JAKMIP2: variants seen among roughly 807,000 people sequenced by gnomAD.
JAKMIP2 encodes janus kinase and microtubule-interacting protein 2.
JAKMIP2 carries 25 observed loss-of-function variants against 115.0 expected under a neutral mutation model. The ratio of observed to expected loss-of-function variants is 0.22; its 90% confidence interval spans 0.16 to 0.30. The LOEUF is 0.30. Ranked by LOEUF, JAKMIP2 falls within the 10% of genes least tolerant of loss-of-function variation. JAKMIP2 has a pLI of 1.00. For synonymous variants in JAKMIP2, 334 were observed against 343.6 expected, an observed-to-expected ratio of 0.97 and a Z score of 0.31; for missense variants, 642 against 957.6, an observed-to-expected ratio of 0.67 and a Z score of 4.35.
rs557194761 is a variant in JAKMIP2 at position 147,729,323 on chromosome 5, C to A, written c.-149+53133G>T. Among the ~76,000 whole-genome samples the A allele has an allele frequency of 8.5e-5, 13 of 152,294 alleles. No individual in the cohort carries two copies. The East Asian group carries it at 2.5e-3, about 29-fold the overall frequency. The stretch of plus-strand genomic sequence containing the variant: ...TTCTTGAGAATAAAATCAGAGGATG[C>A]TCGAGACAGCCCTTTGAAAACTAAA... On this transcript the variant is annotated intron_variant, in intron 1 of 21. Transcript: ENST00000616793.
chr5:147,595,541 G>A (rs1045806969), intron 21 of JAKMIP2: 4 of 454,792 alleles, frequency 8.8e-6, no homozygotes, highest in African/African-American at 4.0e-5. Flanking sequence ...CTCCAGAGTG[G>A]TGAGCAATAC....
chr5:147,618,092 G>A lies in JAKMIP2; in HGVS notation c.2165C>T (p.Thr722Ile). Residue 722 changes from threonine (T) to isoleucine (I), a missense_variant, in exon 19 of 22, where the codon ACT (threonine) becomes ATT (isoleucine). Around this residue, in one of 6 missense-constraint regions of JAKMIP2, gnomAD observed 68 missense variants for 104.6 expected, o/e 0.65. Coordinates refer to ENST00000616793, the MANE Select transcript of JAKMIP2 (RefSeq NM_001270941.2). Reference protein sequence around the residue: ...AYMRIQELEATLYNALQQETV... With the variant: ...AYMRIQELEAILYNALQQETV... ...TTCTTGCTGTAGAGCATTGTACAAA[G>A]TAGCTTCTAGTTCCTGGATTCTCTG... 6.2e-7 allele frequency: 1 copy of A among 1,613,864 alleles called. No homozygotes were observed. Among genetic ancestry groups the A allele is most frequent in the Non-Finnish European group, 8.5e-7 (1 of 1,179,732 alleles).
intron 9 of JAKMIP2, 116 bp from the exon 10 acceptor site, chr5:147,639,876 CTA>C: frequency 1.6e-6 from 2 of 1,227,928 alleles, no homozygotes; most frequent in Non-Finnish European, 2.3e-6. Flanking sequence ...GTTTAACAGT[CTA>C]TTTGATTTTA....
chr5:147,674,741 G>A (rs1273242678), intron 1 of JAKMIP2, among the ~76,000 whole-genome samples: 2 of 152,206 alleles, frequency 1.3e-5, no homozygotes, highest in African/African-American at 4.8e-5. Flanking sequence ...TGAAAGATTA[G>A]ATAACTTAAC....
At chr5:147,641,815 T>C (rs1015015859) in intron 7 of JAKMIP2, 51 bp from the exon 8 acceptor site, 4 of 1,451,380 alleles carry the variant, frequency 2.8e-6, no homozygotes, top group East Asian at 2.3e-5. Context: ...GATGTTTCTT[T>C]ATAGTTTTTT....
intron 14 of JAKMIP2, among the ~76,000 whole-genome samples, chr5:147,630,226 A>T (rs959633775): frequency 6.6e-5 from 10 of 152,142 alleles, no homozygotes; most frequent in Non-Finnish European, 1.3e-4. Context: ...CATGTAGAAA[A>T]CTATAGTGCA....
At chr5:147,685,271 T>C (rs1392013331) in intron 1 of JAKMIP2, among the ~76,000 whole-genome samples, 1 of 152,186 alleles carries the variant, frequency 6.6e-6, no homozygotes, top group African/African-American at 2.4e-5. Context: ...TTGAAGATGA[T>C]ACCCAACTCT....
intron 19 of JAKMIP2, among the ~76,000 whole-genome samples, chr5:147,615,919 C>T (rs6894081): frequency 0.014 from 2,123 of 152,046 alleles, 47 homozygotes; most frequent in African/African-American, 0.046. Flanking sequence ...AGGTCCTGCA[C>T]GTGCCTGGGG....
At chr5:147,755,827 A>C (rs1754724542) in intron 1 of JAKMIP2, among the ~76,000 whole-genome samples, 1 of 152,010 alleles carries the variant, frequency 6.6e-6, no homozygotes, top group Non-Finnish European at 1.5e-5. Context: ...CTCTTTTTTG[A>C]AAGTAACTAG....
chr5:147,653,338 G>T (rs1197773712), intron 3 of JAKMIP2, among the ~76,000 whole-genome samples: 2 of 152,144 alleles, frequency 1.3e-5, no homozygotes, highest in Non-Finnish European at 2.9e-5. Context: ...AGTGCAAAAA[G>T]TGTTCCTATT....
At chr5:147,626,427 CCCA>C (rs2126670622) in intron 16 of JAKMIP2, among the ~76,000 whole-genome samples, 1 of 152,292 alleles carries the variant, frequency 6.6e-6, no homozygotes, top group South Asian at 2.1e-4. Flanking sequence ...AAGCCTATTT[CCCA>C]CAGGAGGAGG....
chr5:147,726,912 C>T (rs1301570325), intron 1 of JAKMIP2, among the ~76,000 whole-genome samples: 1 of 152,226 alleles, frequency 6.6e-6, no homozygotes, highest in Non-Finnish European at 1.5e-5. Flanking sequence ...AAAGCCTTTG[C>T]AAGCTCAAAA....
At position 147,678,832 on chromosome 5, in the gene JAKMIP2, A is replaced by C. The variant is rs541451337; in HGVS notation, c.-148-6878T>G. 2.0e-5 allele frequency among the ~76,000 whole-genome samples: 3 copies of C among 152,296 alleles called. No homozygotes were observed. In the East Asian group the frequency reaches 5.8e-4, roughly 29 times the overall value. ...TACCCATAAAAATTGAAAATTAAAA[A>C]AAAACTTTTCAGAAGAAAAAAATGT... On this transcript the variant is annotated intron_variant, in intron 1 of 21. Coordinates refer to ENST00000616793, the MANE Select transcript of JAKMIP2 (RefSeq NM_001270941.2).
At chr5:147,677,331 T>C (rs1760024299) in intron 1 of JAKMIP2, among the ~76,000 whole-genome samples, 1 of 152,206 alleles carries the variant, frequency 6.6e-6, no homozygotes, top group Non-Finnish European at 1.5e-5. Context: ...GTCTTCAAGA[T>C]GCTTAAATTG....
chr5:147,639,611 C>T, intron 10 of JAKMIP2, 21 bp downstream of exon 10: 1 of 1,600,222 alleles, frequency 6.2e-7, no homozygotes, highest in Non-Finnish European at 8.5e-7. Flanking sequence ...ATTCAGAGCA[C>T]TCTCACAGAT....
intron 19 of JAKMIP2, among the ~76,000 whole-genome samples, chr5:147,615,739 A>G (rs1028931534): frequency 6.6e-6 from 1 of 152,104 alleles, no homozygotes; most frequent in African/African-American, 2.4e-5. Flanking sequence ...ATAACCATCT[A>G]TGGGTCCTTC....
chr5:147,672,141 C>G (rs950005642), intron 1 of JAKMIP2, among the ~76,000 whole-genome samples, 187 bp from the exon 2 acceptor site: 1 of 152,010 alleles, frequency 6.6e-6, no homozygotes, highest in African/African-American at 2.4e-5. Flanking sequence ...TTAATTATAT[C>G]AATATCTTGC....
intron 4 of JAKMIP2, among the ~76,000 whole-genome samples, chr5:147,649,911 AT>A (rs2126744960): frequency 6.6e-6 from 1 of 152,316 alleles, no homozygotes; most frequent in Admixed American, 6.5e-5. Flanking sequence ...TCAGATGAAG[AT>A]TAAAAATGGT....
At chr5:147,635,290 T>A (rs572639366) in intron 12 of JAKMIP2, among the ~76,000 whole-genome samples, 1 of 152,332 alleles carries the variant, frequency 6.6e-6, no homozygotes, top group East Asian at 1.9e-4. Context: ...TATGTTCAGA[T>A]AACCAAAATT....
Sources: gnomAD v4.1 joint callset for allele counts (sites outside exome capture counted in the v4.1 genomes callset) on GRCh38, gnomAD v4.1.1 for gene constraint, gnomAD v4.1.1 regional missense constraint, MANE v1.5 for transcripts, NCBI Gene and HGNC (gene_info 2026-07-23, HGNC 2026-07-21) for gene names.